The following NBEAL1 variants were observed in gnomAD, a reference collection of about 807,000 sequenced individuals.
The protein encoded by NBEAL1 is neurobeachin like 1.
In NBEAL1, 273 loss-of-function variants were observed where a neutral mutation model predicts 351.3. That is an observed-to-expected ratio of 0.78 (90% CI 0.70 to 0.86). The LOEUF (loss-of-function observed/expected upper bound fraction) is 0.86, where lower values mean the gene tolerates loss of function less well. Ranked by LOEUF, NBEAL1 falls within the 40% of genes least tolerant of loss-of-function variation. The pLI, the probability that NBEAL1 is intolerant of heterozygous loss-of-function variation, is 0.00. For missense variants in NBEAL1, 2,961 were observed against 3,201.3 expected (o/e 0.92, Z 1.81); for synonymous variants, 1,050 against 1,086.4 (o/e 0.97, Z 0.66).
intron 25 of NBEAL1, among the ~76,000 whole-genome samples, chr2:203,130,742 G>T (rs2063054209): frequency 6.6e-6 from 1 of 152,090 alleles, no homozygotes; most frequent in Non-Finnish European, 1.5e-5. Flanking sequence ...GACTTGGTGG[G>T]TCTATGTGGC....
At position 203,207,783 on chromosome 2, in the gene NBEAL1, C is replaced by T. The variant is rs567437128; in HGVS notation, c.7507-854C>T. Reference sequence around the variant, plus strand: ...CAGGGACACAAACACTGCGGAAGGCCGCAGGGTCCTCTGCAAAGAAACTAC... The same window carrying T: ...CAGGGACACAAACACTGCGGAAGGCTGCAGGGTCCTCTGCAAAGAAACTAC... On this transcript the variant is annotated intron_variant, in intron 51 of 55. Transcript: ENST00000683969. Among the ~76,000 whole-genome samples, 7 of 152,202 alleles carry T rather than the reference C, an allele frequency of 4.6e-5. No homozygotes were observed. In the South Asian group the frequency reaches 1.0e-3, roughly 23 times the overall value.
At chr2:203,046,801 T>G (rs1300643750) in intron 3 of NBEAL1, among the ~76,000 whole-genome samples, 1 of 152,160 alleles carries the variant, frequency 6.6e-6, no homozygotes, top group African/African-American at 2.4e-5. Flanking sequence ...TGGGAGTTAG[T>G]TTACAACATA....
At position 203,016,279 on chromosome 2, in the gene NBEAL1, T is replaced by G; in HGVS notation, c.-106T>G. ...CTTCTTTTTGCTTTCTTTACTGCTA[T>G]GAGCTTTACTGAACGGCTGAAAAAC... On this transcript the variant is annotated 5_prime_UTR_variant, in exon 2 of 56. The change abolishes an upstream ATG in the 5' untranslated region. Transcript: ENST00000683969. 7.1e-6 allele frequency: 5 copies of G among 705,762 alleles called. No individual in the cohort carries two copies. The highest frequency in any genetic ancestry group is 1.1e-5 in the Non-Finnish European group (5 of 454,602). The allele number at this position is 705,762 out of a possible 1,614,324, so 43.7% of individuals were successfully genotyped here. A position where few individuals can be genotyped will look rare whatever the true frequency, so the allele number is the denominator to read the frequency against.
Position 203,135,905 on chromosome 2 carries a change from T to A in NBEAL1, c.4042T>A (p.Phe1348Ile), listed in dbSNP as rs764974683. 18 of 1,614,044 alleles carry A rather than the reference T, an allele frequency of 1.1e-5. No individual in the cohort carries two copies. Among genetic ancestry groups the A allele is most frequent in the Non-Finnish European group, 1.5e-5 (18 of 1,180,026 alleles). Residue 1348 changes from phenylalanine (F) to isoleucine (I), a missense_variant, in exon 28 of 56, where the codon TTT becomes ATT. Coordinates refer to ENST00000683969, the MANE Select transcript of NBEAL1 (RefSeq NM_001378026.1). Reference protein sequence around the residue: ...EKTDEEKITSFASANVSSDQW... With the variant: ...EKTDEEKITSIASANVSSDQW... ...AACAGATGAGGAAAAAATCACCTCT[T>A]TTGCCTCAGCTAATGTGTCTTCGGA...
chr2:203,108,448 G>T (rs563738640), intron 14 of NBEAL1, among the ~76,000 whole-genome samples: 21 of 151,710 alleles, frequency 1.4e-4, no homozygotes, highest in African/African-American at 4.4e-4. Flanking sequence ...ACCCAGGCTA[G>T]AGTGCAGTGG....
chr2:203,034,366 C>T (rs1559321530), intron 2 of NBEAL1, among the ~76,000 whole-genome samples: 1 of 149,566 alleles, frequency 6.7e-6, no homozygotes, highest in Non-Finnish European at 1.5e-5. Flanking sequence ...ACCATGTTGG[C>T]CAGGATAGTC....
intron 27 of NBEAL1, among the ~76,000 whole-genome samples, chr2:203,133,937 G>C (rs1471187794): frequency 1.3e-5 from 2 of 151,810 alleles, no homozygotes; most frequent in African/African-American, 4.8e-5. Context: ...GTTCCTTATT[G>C]ATAGACATTT....
intron 51 of NBEAL1, among the ~76,000 whole-genome samples, chr2:203,206,774 T>G (rs987165664): frequency 2.6e-5 from 4 of 151,574 alleles, no homozygotes; most frequent in African/African-American, 9.7e-5. Flanking sequence ...CGGTACAACA[T>G]CCACCTCCCA....
At chr2:203,170,993 G>T (rs531471564) in intron 39 of NBEAL1, among the ~76,000 whole-genome samples, 1 of 152,268 alleles carries the variant, frequency 6.6e-6, no homozygotes, top group South Asian at 2.1e-4. Flanking sequence ...TAGGCCACAT[G>T]CAGTGGCTCA....
At chr2:203,144,467 G>A in intron 31 of NBEAL1, 133 bp from the exon 32 acceptor site, 4 of 802,110 alleles carry the variant, frequency 5.0e-6, no homozygotes, top group Middle Eastern at 2.8e-4. Context: ...TGGAGGCAAA[G>A]TAACATCTGA....
At chr2:203,203,381 G>T (rs1397939469) in intron 51 of NBEAL1, among the ~76,000 whole-genome samples, 1 of 151,784 alleles carries the variant, frequency 6.6e-6, no homozygotes, top group African/African-American at 2.4e-5. Flanking sequence ...CGCCATGTTG[G>T]CCAGGCTGGT....
chr2:203,108,329 C>A, intron 14 of NBEAL1, 141 bp downstream of exon 14: 1 of 644,784 alleles, frequency 1.6e-6, no homozygotes, highest in Non-Finnish European at 2.6e-6. Context: ...AGGCTTTATA[C>A]AGTTTAATTA....
intron 2 of NBEAL1, among the ~76,000 whole-genome samples, chr2:203,033,020 A>G (rs1377401118): frequency 1.3e-5 from 2 of 148,820 alleles, no homozygotes; most frequent in Non-Finnish European, 3.0e-5. Flanking sequence ...TTATTTTTTG[A>G]GACGGAGTCT....
rs34866290 is a variant in NBEAL1 at position 203,160,077 on chromosome 2, A to ATT, written c.5714+2271_5714+2272dup. 7.1e-5 allele frequency among the ~76,000 whole-genome samples: 9 copies of ATT among 127,528 alleles called. No homozygotes were observed. In the East Asian group the frequency reaches 1.1e-3, roughly 16 times the overall value. The allele number at this position is 127,528 out of a possible 152,430, so 83.7% of individuals were successfully genotyped here. On this transcript the variant is annotated intron_variant, in intron 36 of 55. Transcript: ENST00000683969. Reference sequence around the variant, plus strand: ...ATATGCAAATCACTTGCCCCCCGCTATTTTTTTTTTTTTTTTTTTTAGACA... The same window carrying ATT: ...ATATGCAAATCACTTGCCCCCCGCTATTTTTTTTTTTTTTTTTTTTTTAGACA...
At position 203,221,087 on chromosome 2, in the gene NBEAL1, G is replaced by T. The variant is rs994142049; in HGVS notation, c.*3733G>T. ...AGTGGGCTCTCAGAATTAGAATTCA[G>T]ATTTGACGGTTGAATCTTAAGACAT... is the stretch of plus-strand genomic sequence containing the variant. On this transcript the variant is annotated 3_prime_UTR_variant, in exon 56 of 56. Transcript: ENST00000683969. Among the ~76,000 whole-genome samples the T allele has an allele frequency of 1.3e-5, 2 of 152,054 alleles. No individual in the cohort carries two copies. The highest frequency in any genetic ancestry group is 4.8e-5 in the African/African-American group (2 of 41,434).
intron 48 of NBEAL1, 68 bp from the exon 49 acceptor site, chr2:203,199,270 A>C (rs2065324600): frequency 2.4e-6 from 2 of 838,556 alleles, no homozygotes; most frequent in South Asian, 1.6e-5. Flanking sequence ...TCATGTGAGC[A>C]TCTGGTTATT....
Position 203,219,010 on chromosome 2 carries a change from A to G in NBEAL1, c.*1656A>G, listed in dbSNP as rs2065925525. ...AGACTTCAGGAATTTGTATTGAACAAAGTCTCAAGTTAAGTAGCAATAATT... is the reference window on the plus strand; with the variant it reads ...AGACTTCAGGAATTTGTATTGAACAGAGTCTCAAGTTAAGTAGCAATAATT... On this transcript the variant is annotated 3_prime_UTR_variant, in exon 56 of 56. Coordinates refer to ENST00000683969, the MANE Select transcript of NBEAL1 (RefSeq NM_001378026.1). The G allele has an allele frequency of 1.3e-5, 2 of 152,326 alleles. No individual in the cohort carries two copies. The highest frequency in any genetic ancestry group is 4.8e-5 in the African/African-American group (2 of 41,586). 9.4% of individuals were successfully genotyped at this position (152,326 alleles called of 1,614,324 possible). A position where few individuals can be genotyped will look rare whatever the true frequency, so the allele number is the denominator to read the frequency against.
At chr2:203,141,383 T>TTTTTTA (rs1559399448) in intron 31 of NBEAL1, among the ~76,000 whole-genome samples, 2 of 94,396 alleles carry the variant, frequency 2.1e-5, no homozygotes, top group East Asian at 6.1e-4. Context: ...TTTTTTTTTT[T>TTTTTTA]TTTTTTTTTT....
At chr2:203,149,920 AT>A (rs1449522512) in intron 34 of NBEAL1, among the ~76,000 whole-genome samples, 2 of 152,138 alleles carry the variant, frequency 1.3e-5, no homozygotes, top group Non-Finnish European at 2.9e-5. Flanking sequence ...GCTGAATAGT[AT>A]TCCCTTATAA....
Sources: allele counts gnomAD v4.1 joint callset (sites outside exome capture counted in the v4.1 genomes callset), GRCh38; gene constraint gnomAD v4.1.1; transcripts MANE v1.5; gene names NCBI Gene and HGNC (gene_info 2026-07-23, HGNC 2026-07-21).